Variants in CRPPA observed in about 807,000 individuals in gnomAD.
CRPPA encodes CDP-L-ribitol pyrophosphorylase A.
CRPPA carries 43 observed loss-of-function variants against 52.0 expected under a neutral mutation model. The ratio of observed to expected loss-of-function variants is 0.83; its 90% CI spans 0.65 to 1.07. The LOEUF (loss-of-function observed/expected upper bound fraction) is 1.07. Among genes scored for constraint, CRPPA ranks in the 50% least tolerant of loss-of-function variants. CRPPA has a pLI of 0.00. For synonymous variants in CRPPA, 250 were observed against 203.5 expected (o/e 1.23, Z -1.94); for missense variants, 629 against 551.7 (o/e 1.14, Z -1.40).
chr7:16,293,793 C>T (rs1375454941), intron 5 of CRPPA, among the ~76,000 whole-genome samples: 2 of 151,914 alleles, frequency 1.3e-5, no homozygotes, highest in Non-Finnish European at 2.9e-5. Context: ...AGATCTTAAC[C>T]ACATTTTTAA....
At chr7:16,201,681 T>C (rs1040752911) in intron 9 of CRPPA, among the ~76,000 whole-genome samples, 1 of 152,176 alleles carries the variant, frequency 6.6e-6, no homozygotes, top group African/African-American at 2.4e-5. Flanking sequence ...GTAACACTCC[T>C]GCTCGCTGAG....
chr7:16,190,732 T>C (rs777305940), intron 9 of CRPPA, among the ~76,000 whole-genome samples: 4 of 152,140 alleles, frequency 2.6e-5, no homozygotes, highest in Non-Finnish European at 5.9e-5. Context: ...CAGTGTACAC[T>C]GCATCCAATG....
chr7:16,326,234 C>G (rs1055563923), intron 3 of CRPPA, among the ~76,000 whole-genome samples: 1 of 152,080 alleles, frequency 6.6e-6, no homozygotes, highest in African/African-American at 2.4e-5. Context: ...CATATTCTCT[C>G]CCAAAGGATT....
At chr7:16,292,034 A>T (rs1351127818) in intron 5 of CRPPA, among the ~76,000 whole-genome samples, 1 of 151,930 alleles carries the variant, frequency 6.6e-6, no homozygotes, top group Non-Finnish European at 1.5e-5. Context: ...TGCCTCCCTA[A>T]TCACGCAACA....
chr7:16,113,370 C>T (rs1782305587), intron 9 of CRPPA, among the ~76,000 whole-genome samples: 1 of 151,694 alleles, frequency 6.6e-6, no homozygotes, highest in South Asian at 2.1e-4. Context: ...TAATCAGAAT[C>T]CCATAAAGGG....
intron 1 of CRPPA, among the ~76,000 whole-genome samples, chr7:16,415,863 A>G (rs1788180583): frequency 1.3e-5 from 2 of 152,176 alleles, no homozygotes; most frequent in Non-Finnish European, 2.9e-5. Context: ...AAGACTAGCC[A>G]TGTTTCCTTA....
chr7:16,093,601 T>C (rs983272834), intron 9 of CRPPA, among the ~76,000 whole-genome samples: 6 of 152,170 alleles, frequency 3.9e-5, no homozygotes, highest in African/African-American at 1.4e-4. Context: ...TTATACGACA[T>C]TTTAAAATTG....
chr7:16,112,992 C>T (rs1782297970), intron 9 of CRPPA, among the ~76,000 whole-genome samples: 1 of 151,738 alleles, frequency 6.6e-6, no homozygotes, highest in South Asian at 2.1e-4. Flanking sequence ...AAAATAAATA[C>T]AGCATTAGAA....
At chr7:16,177,865 T>A (rs1190556342) in intron 9 of CRPPA, among the ~76,000 whole-genome samples, 1 of 152,108 alleles carries the variant, frequency 6.6e-6, no homozygotes, top group Non-Finnish European at 1.5e-5. Context: ...ATTTTCCCTC[T>A]GGAATTTCTG....
chr7:16,384,065 C>T (rs575177796), intron 2 of CRPPA, among the ~76,000 whole-genome samples: 2 of 152,280 alleles, frequency 1.3e-5, no homozygotes, highest in South Asian at 2.1e-4. Context: ...GATGGAAATG[C>T]AGAAATCACC....
chr7:16,143,110 T>G (rs1399098485), intron 9 of CRPPA, among the ~76,000 whole-genome samples: 1 of 152,146 alleles, frequency 6.6e-6, no homozygotes, highest in East Asian at 1.9e-4. Flanking sequence ...TGGCACAGAG[T>G]AGGCAGTACC....
intron 3 of CRPPA, among the ~76,000 whole-genome samples, chr7:16,367,202 C>T (rs895266241): frequency 3.9e-5 from 6 of 151,984 alleles, no homozygotes; most frequent in African/African-American, 1.5e-4. Flanking sequence ...CTTCTTATCT[C>T]TTTCTACTAT....
chr7:16,358,027 C>G (rs1356670378), intron 3 of CRPPA, among the ~76,000 whole-genome samples: 1 of 152,196 alleles, frequency 6.6e-6, no homozygotes, highest in Non-Finnish European at 1.5e-5. Context: ...AAGTATACTG[C>G]TGGGGTACCA....
At chr7:16,368,250 A>T (rs1786660350) in intron 3 of CRPPA, among the ~76,000 whole-genome samples, 1 of 152,234 alleles carries the variant, frequency 6.6e-6, no homozygotes, top group South Asian at 2.1e-4. Context: ...ATGTTCCTGA[A>T]GATCGCATAG....
chr7:16,149,770 A>G (rs1384295508), intron 9 of CRPPA, among the ~76,000 whole-genome samples: 1 of 152,118 alleles, frequency 6.6e-6, no homozygotes, highest in Admixed American at 6.6e-5. Flanking sequence ...CAGACTGCCT[A>G]AGCTCAGGAG....
chr7:16,350,044 G>T (rs1786107006), intron 3 of CRPPA, among the ~76,000 whole-genome samples: 1 of 151,938 alleles, frequency 6.6e-6, no homozygotes, highest in Admixed American at 6.6e-5. Context: ...CCCATAAAAT[G>T]ATCAGTGGAT....
At chr7:16,265,003 T>C (rs1325671398) in intron 6 of CRPPA, among the ~76,000 whole-genome samples, 1 of 152,174 alleles carries the variant, frequency 6.6e-6, no homozygotes, top group Non-Finnish European at 1.5e-5. Context: ...TATATGAGGA[T>C]TGGCTAAGCT....
chr7:16,325,892 C>T (rs990759059), intron 3 of CRPPA, among the ~76,000 whole-genome samples: 2 of 152,006 alleles, frequency 1.3e-5, no homozygotes, highest in Admixed American at 6.5e-5. Flanking sequence ...TTTAGAATAG[C>T]ATCTTGGTTA....
At chr7:16,299,466 T>C (rs1040295855) in intron 5 of CRPPA, among the ~76,000 whole-genome samples, 2 of 152,168 alleles carry the variant, frequency 1.3e-5, no homozygotes, top group Non-Finnish European at 2.9e-5. Context: ...AAAATGTATA[T>C]TCTGACTGAA....
Sources: gnomAD v4.1 joint callset for allele counts (sites outside exome capture counted in the v4.1 genomes callset) on GRCh38, gnomAD v4.1.1 for gene constraint, MANE v1.5 for transcripts, NCBI Gene and HGNC (gene_info 2026-07-23, HGNC 2026-07-21) for gene names.